The following SLIT1 variants were observed in gnomAD, a reference collection of about 807,000 sequenced individuals.
SLIT1 encodes the protein slit guidance ligand 1.
A neutral mutation model predicts 186.1 loss-of-function variants in SLIT1; 66 were observed. That is an observed-to-expected ratio of 0.35 (90% CI 0.29 to 0.44). The LOEUF is 0.44. Ranked by LOEUF, SLIT1 falls within the 20% of genes least tolerant of loss-of-function variation. The probability of loss-of-function intolerance (pLI) is 1.00; values close to 1 mark genes in which losing one functional copy is unlikely to be tolerated. For synonymous variants in SLIT1, 761 were observed against 833.8 expected (o/e 0.91, Z 1.50); for missense variants, 1,638 against 2,037.4 (o/e 0.80, Z 3.77).
At position 97,178,790 on chromosome 10, in the gene SLIT1, A is replaced by AGTGTGT. The variant is rs57432718; in HGVS notation, c.197+6682_197+6687dup. Among the ~76,000 whole-genome samples, 21 of 150,680 alleles carry AGTGTGT rather than the reference A, an allele frequency of 1.4e-4. No individual in the cohort carries two copies. The East Asian group carries it at 3.7e-3, about 27-fold the overall frequency. ...CGATAGAGAGAAGAGAGAGAGAGAAAGTGTGTGTGTGTGTGTGTGTGTGTG... is the reference window on the plus strand; with the variant it reads ...CGATAGAGAGAAGAGAGAGAGAGAAAGTGTGTGTGTGTGTGTGTGTGTGTGTGTGTG... On this transcript the variant is annotated intron_variant, in intron 1 of 36. Transcript: ENST00000266058.
At chr10:97,147,682 C>T (rs1157925843) in intron 4 of SLIT1, among the ~76,000 whole-genome samples, 1 of 152,124 alleles carries the variant, frequency 6.6e-6, no homozygotes, top group Non-Finnish European at 1.5e-5. Context: ...TCACTCTCCA[C>T]TAAGTCGCCC....
At chr10:97,114,599 C>T (rs1311145565) in intron 4 of SLIT1, among the ~76,000 whole-genome samples, 2 of 152,100 alleles carry the variant, frequency 1.3e-5, no homozygotes, top group African/African-American at 4.8e-5. Context: ...GTTGAGGCTG[C>T]AGTGAGCCAT....
At chr10:97,024,105 C>T (rs992318917) in intron 25 of SLIT1, among the ~76,000 whole-genome samples, 5 of 152,136 alleles carry the variant, frequency 3.3e-5, no homozygotes, top group Admixed American at 2.0e-4. Flanking sequence ...GGCTAAATAA[C>T]GTGAATGAGA....
rs540458733 is a variant in SLIT1 at position 97,043,526 on chromosome 10, G to A, written c.1854-13C>T. The A allele has an allele frequency of 1.7e-5, 27 of 1,610,384 alleles. No homozygotes were observed. In the Admixed American group the frequency reaches 2.7e-4, roughly 16 times the overall value. Reference sequence around the variant, plus strand: ...GTTCCGCAGCATTCTGGGGAGGAACGGGGGAGGGAGGAGGGGACCCTTGCT... The same window carrying A: ...GTTCCGCAGCATTCTGGGGAGGAACAGGGGAGGGAGGAGGGGACCCTTGCT... On this transcript the variant is annotated splice_polypyrimidine_tract_variant and intron_variant, in intron 18 of 36. Transcript: ENST00000266058. The surrounding 1 kb of genome is among the most constrained non-coding windows in gnomAD (Gnocchi z 7.0).
intron 30 of SLIT1, 54 bp from the exon 31 acceptor site, chr10:97,011,184 G>A (rs1848407656): frequency 7.5e-7 from 1 of 1,336,168 alleles, no homozygotes; most frequent in South Asian, 1.2e-5. Flanking sequence ...GAGTCTGGGA[G>A]GCCAGGGGAG....
intron 4 of SLIT1, among the ~76,000 whole-genome samples, chr10:97,070,326 T>G (rs1245415989): frequency 2.6e-5 from 4 of 152,232 alleles, no homozygotes; most frequent in Non-Finnish European, 5.9e-5. Flanking sequence ...GGGAGGGGCA[T>G]GCTTAGGCTC....
At chr10:97,177,667 T>C (rs1252226833) in intron 1 of SLIT1, among the ~76,000 whole-genome samples, 1 of 152,054 alleles carries the variant, frequency 6.6e-6, no homozygotes, top group African/African-American at 2.4e-5. Context: ...CAGAGTACTA[T>C]GAAACCATAA....
At chr10:97,071,341 G>A (rs568321084) in intron 4 of SLIT1, among the ~76,000 whole-genome samples, 7 of 152,264 alleles carry the variant, frequency 4.6e-5, no homozygotes, top group African/African-American at 7.2e-5. Flanking sequence ...TCAGGAAGGC[G>A]GGACCTCCAG....
intron 4 of SLIT1, among the ~76,000 whole-genome samples, chr10:97,090,370 G>A (rs189070683): frequency 3.3e-5 from 5 of 151,876 alleles, no homozygotes; most frequent in Non-Finnish European, 7.4e-5. Flanking sequence ...GGAACCAGCA[G>A]GCACAAAGGC....
Position 97,134,554 on chromosome 10 carries a change from C to T in SLIT1, c.413+23264G>A, listed in dbSNP as rs114404922. Among the ~76,000 whole-genome samples the T allele has an allele frequency of 6.9e-3, 1,045 of 152,292 alleles. 9 individuals are homozygous for T. The highest frequency in any genetic ancestry group is 0.024 in the African/African-American group (995 of 41,556). ...CCCACCTGCCCACCCTAAGCCCGAG[C>T]TGCAGATCTCTCCCACCTGGGTGCT... is the stretch of plus-strand genomic sequence containing the variant. On this transcript the variant is annotated intron_variant, in intron 4 of 36. Transcript: ENST00000266058.
chr10:97,052,382 G>A (rs1564662941), intron 13 of SLIT1, among the ~76,000 whole-genome samples: 1 of 152,148 alleles, frequency 6.6e-6, no homozygotes, highest in Non-Finnish European at 1.5e-5. Context: ...TTACAGGTGT[G>A]AGCCACTGCA....
At chr10:97,048,040 G>A in intron 14 of SLIT1, 44 bp from the exon 15 acceptor site, 1 of 1,609,950 alleles carries the variant, frequency 6.2e-7, no homozygotes, top group Non-Finnish European at 8.5e-7. Flanking sequence ...AATCAGCCAG[G>A]ACCTGCAGTA....
chr10:97,139,643 A>C (rs1448949335), intron 4 of SLIT1, among the ~76,000 whole-genome samples: 1 of 152,194 alleles, frequency 6.6e-6, no homozygotes, highest in African/African-American at 2.4e-5. Context: ...CCAAACTGCT[A>C]AATGGCTTCC....
chr10:97,099,947 T>A (rs370768409), intron 4 of SLIT1, among the ~76,000 whole-genome samples: 1 of 152,244 alleles, frequency 6.6e-6, no homozygotes, highest in Non-Finnish European at 1.5e-5. Context: ...AATAATTAAA[T>A]GTCTTATCTG....
Position 97,010,961 on chromosome 10 carries a change from A to T in SLIT1, c.3341+32T>A. On this transcript the variant is annotated intron_variant, in intron 31 of 36. Transcript: ENST00000266058. This position sits in a 1 kb window ranked among gnomAD's most constrained non-coding sequence, Gnocchi z 4.8. Reference sequence around the variant, plus strand: ...AGCCCAGGGGCTGACAGCCACAAGGAGTCACTCCTAGTGTGTCCAGGGGCT... The same window carrying T: ...AGCCCAGGGGCTGACAGCCACAAGGTGTCACTCCTAGTGTGTCCAGGGGCT... 6.2e-7 allele frequency: 1 copy of T among 1,604,034 alleles called. No homozygotes were observed. The highest frequency in any genetic ancestry group is 2.2e-5 in the East Asian group (1 of 44,518).
chr10:97,181,605 G>C (rs1564697053), intron 1 of SLIT1, among the ~76,000 whole-genome samples: 1 of 152,176 alleles, frequency 6.6e-6, no homozygotes, highest in Non-Finnish European at 1.5e-5. Flanking sequence ...AGCACTTTGG[G>C]AGACTGAGGC....
At chr10:97,008,129 C>T (rs1848377358) in intron 31 of SLIT1, among the ~76,000 whole-genome samples, 1 of 151,970 alleles carries the variant, frequency 6.6e-6, no homozygotes, top group Admixed American at 6.6e-5. Context: ...TAAGAAAATC[C>T]TACAGATTCC....
At chr10:97,164,501 C>T (rs975562737) in intron 2 of SLIT1, among the ~76,000 whole-genome samples, 1 of 152,190 alleles carries the variant, frequency 6.6e-6, no homozygotes, top group Non-Finnish European at 1.5e-5. Context: ...CTTGTCAGCT[C>T]TGACCTCAGA....
At chr10:97,098,217 G>A (rs949241906) in intron 4 of SLIT1, among the ~76,000 whole-genome samples, 13 of 152,208 alleles carry the variant, frequency 8.5e-5, no homozygotes, top group African/African-American at 2.9e-4. Context: ...AACAGTGACC[G>A]GGATGACCCG....
Sources: gnomAD v4.1 joint callset for allele counts (sites outside exome capture counted in the v4.1 genomes callset) on GRCh38, gnomAD v4.1.1 for gene constraint, Gnocchi (gnomAD v3.1) non-coding constraint, MANE v1.5 for transcripts, NCBI Gene and HGNC (gene_info 2026-07-23, HGNC 2026-07-21) for gene names.